KLHL8: variants seen among roughly 807,000 people sequenced by gnomAD.
KLHL8 encodes the protein kelch-like protein 8.
In KLHL8, 38 loss-of-function variants were observed where a neutral mutation model predicts 63.5. The observed-to-expected ratio is 0.60, with a 90% CI of 0.46 to 0.78. The LOEUF is 0.78. Ranked by LOEUF, KLHL8 falls within the 30% of genes least tolerant of loss-of-function variation. KLHL8 has a pLI of 0.00. For synonymous variants in KLHL8, 224 were observed against 254.3 expected, an observed-to-expected ratio of 0.88 and a Z score of 1.13; for missense variants, 566 against 752.4, an observed-to-expected ratio of 0.75 and a Z score of 2.90.
chr4:87,174,549 G>T (rs771797997), intron 6 of KLHL8, among the ~76,000 whole-genome samples: 5 of 152,110 alleles, frequency 3.3e-5, no homozygotes, highest in Non-Finnish European at 7.4e-5. Flanking sequence ...AAAGTGCTGG[G>T]ATTACAGGCA....
chr4:87,182,495 T>C (rs1292575666), intron 4 of KLHL8, among the ~76,000 whole-genome samples: 1 of 152,176 alleles, frequency 6.6e-6, no homozygotes, highest in Non-Finnish European at 1.5e-5. Context: ...GAAGTCTCTA[T>C]TTAGAGCTCC....
chr4:87,202,367 G>A (rs1239965484), intron 1 of KLHL8, among the ~76,000 whole-genome samples: 1 of 152,054 alleles, frequency 6.6e-6, no homozygotes, highest in Non-Finnish European at 1.5e-5. Context: ...TGATCCACCT[G>A]CCTCAGCCTC....
intron 1 of KLHL8, among the ~76,000 whole-genome samples, chr4:87,236,422 T>C (rs1035545468): frequency 6.6e-6 from 1 of 151,952 alleles, no homozygotes; most frequent in Non-Finnish European, 1.5e-5. Flanking sequence ...TTGGCCACAC[T>C]GGTCTTGAAC....
chr4:87,219,336 A>T (rs1732728008), intron 1 of KLHL8, among the ~76,000 whole-genome samples: 1 of 152,222 alleles, frequency 6.6e-6, no homozygotes, highest in African/African-American at 2.4e-5. Context: ...TTCTAGAGAG[A>T]GAATAAAGAA....
chr4:87,181,831 C>T (rs1169209916), intron 4 of KLHL8, among the ~76,000 whole-genome samples: 4 of 152,070 alleles, frequency 2.6e-5, no homozygotes, highest in African/African-American at 9.7e-5. Flanking sequence ...GGCATATAAC[C>T]TAGGCTGCTA....
intron 1 of KLHL8, chr4:87,207,371 TG>T: frequency 1.5e-6 from 1 of 660,708 alleles, no homozygotes; most frequent in South Asian, 1.5e-5. Flanking sequence ...GAGTACGTTG[TG>T]GAGTCCACTG....
intron 1 of KLHL8, among the ~76,000 whole-genome samples, chr4:87,209,051 A>T (rs1464874863): frequency 6.6e-6 from 1 of 152,318 alleles, no homozygotes; most frequent in East Asian, 1.9e-4. Flanking sequence ...CAGAAGCAGG[A>T]AAAGAGTACT....
At position 87,230,227 on chromosome 4, in the gene KLHL8, T is replaced by C. The variant is rs555305281; in HGVS notation, n.58-8837A>G. Among the ~76,000 whole-genome samples, 6 of 152,294 alleles carry C rather than the reference T, an allele frequency of 3.9e-5. No homozygotes were observed. In the East Asian group the frequency reaches 9.7e-4, roughly 25 times the overall value. ...TTGACAAAGGAAAACAGCTAACTCATGACAACCCTGCAAGAACGGAGCTGA... is the reference window on the plus strand; with the variant it reads ...TTGACAAAGGAAAACAGCTAACTCACGACAACCCTGCAAGAACGGAGCTGA... On this transcript the variant is annotated intron_variant and non_coding_transcript_variant, in intron 1 of 1. Coordinates refer to the KLHL8 transcript ENST00000506274.
At chr4:87,185,894 G>C (rs967993469) in intron 2 of KLHL8, 95 bp from the exon 3 acceptor site, 5 of 1,009,638 alleles carry the variant, frequency 5.0e-6, no homozygotes, top group South Asian at 1.8e-5. Flanking sequence ...AAAATTTCCA[G>C]ACAAATTTAG....
chr4:87,230,797 C>G (rs183287416), intron 1 of KLHL8, among the ~76,000 whole-genome samples: 2 of 152,302 alleles, frequency 1.3e-5, no homozygotes, highest in East Asian at 3.9e-4. Flanking sequence ...TTATCCCACT[C>G]CCTACCTGCT....
intron 1 of KLHL8, among the ~76,000 whole-genome samples, chr4:87,228,991 C>T (rs1483392910): frequency 6.6e-6 from 1 of 152,150 alleles, no homozygotes; most frequent in Non-Finnish European, 1.5e-5. Context: ...AGTTTAAAAG[C>T]CAACATTGAA....
In KLHL8 at chr4:87,164,095, T is replaced by G; in HGVS notation, c.1538-16A>C. On this transcript the variant is annotated splice_polypyrimidine_tract_variant and intron_variant, in intron 8 of 9. Transcript: ENST00000273963. ...TCAAAACCACCTATGTAAAGAAATA[T>G]TTTAAAAACAGCATTACATTCCTTA... The G allele has an allele frequency of 6.3e-7, 1 of 1,598,356 alleles. No homozygotes were observed. Among genetic ancestry groups the G allele is most frequent in the Non-Finnish European group, 8.6e-7 (1 of 1,165,856 alleles).
At position 87,162,658 on chromosome 4, in the gene KLHL8, T is replaced by A. The variant is rs1424935071; in HGVS notation, c.*861A>T. 1 of 152,266 alleles carries A rather than the reference T, an allele frequency of 6.6e-6. No homozygotes were observed. Among genetic ancestry groups the A allele is most frequent in the Non-Finnish European group, 1.5e-5 (1 of 68,006 alleles). The allele number at this position is 152,266 out of a possible 1,614,324, so 9.4% of individuals were successfully genotyped here. On this transcript the variant is annotated 3_prime_UTR_variant, in exon 10 of 10. Transcript: ENST00000273963. The stretch of plus-strand genomic sequence containing the variant: ...AAAATCAAATGATCAAAGAAGACAG[T>A]TAAAGATATTTTCAGACTGCCCACA...
intron 1 of KLHL8, among the ~76,000 whole-genome samples, chr4:87,205,598 G>A (rs903524449): frequency 5.3e-5 from 8 of 152,204 alleles, no homozygotes; most frequent in Admixed American, 2.6e-4. Flanking sequence ...CAAGTAGCTG[G>A]AACTATAGGC....
At chr4:87,207,322 C>T (rs546294130) in intron 1 of KLHL8, 15 of 609,804 alleles carry the variant, frequency 2.5e-5, no homozygotes, top group East Asian at 6.8e-5. Flanking sequence ...CTTCCAGGAG[C>T]GAGATCCCTC....
chr4:87,188,139 T>C (rs1021149467), intron 2 of KLHL8, among the ~76,000 whole-genome samples: 7 of 152,220 alleles, frequency 4.6e-5, no homozygotes, highest in Non-Finnish European at 1.0e-4. Flanking sequence ...AGTTGTAATG[T>C]AGACTATAAC....
chr4:87,169,698 C>T (rs997515732), intron 8 of KLHL8, among the ~76,000 whole-genome samples: 1 of 151,876 alleles, frequency 6.6e-6, no homozygotes, highest in African/African-American at 2.4e-5. Context: ...CCCATCTCTA[C>T]AAAAAACAGA....
chr4:87,164,804 C>G (rs1443016520), intron 8 of KLHL8, among the ~76,000 whole-genome samples: 1 of 151,972 alleles, frequency 6.6e-6, no homozygotes, highest in Non-Finnish European at 1.5e-5. Flanking sequence ...TTGGTGACAG[C>G]CTAATTTACT....
intron 1 of KLHL8, among the ~76,000 whole-genome samples, chr4:87,237,317 C>T (rs1227103609): frequency 2.0e-5 from 3 of 152,210 alleles, no homozygotes; most frequent in Non-Finnish European, 4.4e-5. Flanking sequence ...CAAAGAAAAG[C>T]TGTATTTGAG....
Sources: gnomAD v4.1 joint callset for allele counts (sites outside exome capture counted in the v4.1 genomes callset) on GRCh38, gnomAD v4.1.1 for gene constraint, MANE v1.5 for transcripts, NCBI Gene and HGNC (gene_info 2026-07-23, HGNC 2026-07-21) for gene names.